Variants in WDFY2 observed in about 807,000 individuals in gnomAD.
The protein encoded by WDFY2 is WD repeat and FYVE domain containing 2, also known as WD repeat and FYVE domain-containing protein 2.
WDFY2 carries 36 observed loss-of-function variants against 56.4 expected under a neutral mutation model. The ratio of observed to expected loss-of-function variants is 0.64; its 90% CI spans 0.49 to 0.84. WDFY2 has a LOEUF of 0.84. Among genes scored for constraint, WDFY2 ranks in the 40% least tolerant of loss-of-function variants. WDFY2 has a pLI of 0.00. For missense variants in WDFY2, 444 were observed against 512.2 expected, an observed-to-expected ratio of 0.87 and a Z score of 1.29; for synonymous variants, 176 against 183.7, an observed-to-expected ratio of 0.96 and a Z score of 0.34.
At chr13:51,613,446 C>T (rs905160111) in intron 1 of WDFY2, among the ~76,000 whole-genome samples, 6 of 152,116 alleles carry the variant, frequency 3.9e-5, no homozygotes, top group Non-Finnish European at 5.9e-5. Context: ...ATTGTTCTTT[C>T]CAGTAGTAGA....
In WDFY2 at chr13:51,765,005, C is replaced by CA. The variant is rs1953704471; in HGVS notation, c.*5236_*5237insA. ...GGCAGCTGCTGCCCTCCACTTCCTG[C>CA]TCTTGCAAGTCACAGATGATTCCAG... On this transcript the variant is annotated 3_prime_UTR_variant, in exon 12 of 12. Coordinates refer to ENST00000298125, the MANE Select transcript of WDFY2 (RefSeq NM_052950.4). 1 of 152,272 alleles carries CA rather than the reference C, an allele frequency of 6.6e-6. No individual in the cohort carries two copies. The highest frequency in any genetic ancestry group is 2.4e-5 in the African/African-American group (1 of 41,436). The allele number at this position is 152,272 out of a possible 1,614,324, so 9.4% of individuals were successfully genotyped here. A position where few individuals can be genotyped will look rare whatever the true frequency, so the allele number is the denominator to read the frequency against.
chr13:51,640,472 A>G (rs988460863), intron 1 of WDFY2, among the ~76,000 whole-genome samples: 1 of 152,240 alleles, frequency 6.6e-6, no homozygotes, highest in African/African-American at 2.4e-5. Context: ...AGATTACTCT[A>G]TCATTTTACC....
At chr13:51,665,672 A>G (rs1405938465) in intron 2 of WDFY2, among the ~76,000 whole-genome samples, 1 of 152,174 alleles carries the variant, frequency 6.6e-6, no homozygotes, top group Non-Finnish European at 1.5e-5. Flanking sequence ...TGTATTGCCA[A>G]CTTCTCCCTG....
chr13:51,709,697 C>T (rs915923952), intron 4 of WDFY2, among the ~76,000 whole-genome samples: 2 of 152,052 alleles, frequency 1.3e-5, no homozygotes, highest in Non-Finnish European at 2.9e-5. Context: ...GAAATGGATA[C>T]ATTCCTGGAC....
At chr13:51,619,945 T>C (rs80129728) in intron 1 of WDFY2, among the ~76,000 whole-genome samples, 3,861 of 152,314 alleles carry the variant, frequency 0.025, 62 homozygotes, top group Non-Finnish European at 0.036. Context: ...TCCCTATGTA[T>C]GGAGAAACCT....
chr13:51,707,993 C>T (rs1332554963), intron 4 of WDFY2, among the ~76,000 whole-genome samples: 1 of 100,946 alleles, frequency 9.9e-6, no homozygotes, highest in Non-Finnish European at 1.8e-5. Context: ...CTTGCTCTGT[C>T]ACCCAGGCTG....
chr13:51,765,763 C>T lies in WDFY2; in HGVS notation c.*5994C>T, dbSNP rs756410501. 3 of 152,114 alleles carry T rather than the reference C, an allele frequency of 2.0e-5. No individual in the cohort carries two copies. Among genetic ancestry groups the T allele is most frequent in the Non-Finnish European group, 2.9e-5 (2 of 68,018 alleles). The allele number at this position is 152,114 out of a possible 1,614,324, so 9.4% of individuals were successfully genotyped here. A position where few individuals can be genotyped will look rare whatever the true frequency, so the allele number is the denominator to read the frequency against. ...GTTTTGAGAAAAGATGGTGAAGTTT[C>T]TTTTCATGAGTTTGTAGGGCAAAAA... On this transcript the variant is annotated 3_prime_UTR_variant, in exon 12 of 12. Coordinates refer to ENST00000298125, the MANE Select transcript of WDFY2 (RefSeq NM_052950.4).
intron 1 of WDFY2, among the ~76,000 whole-genome samples, chr13:51,612,190 G>T (rs1231906128): frequency 6.6e-6 from 1 of 152,118 alleles, no homozygotes; most frequent in African/African-American, 2.4e-5. Context: ...GTGAAGCTAG[G>T]AGAATTAAGA....
chr13:51,674,062 A>G (rs1218414891), intron 2 of WDFY2, among the ~76,000 whole-genome samples: 1 of 152,228 alleles, frequency 6.6e-6, no homozygotes, highest in African/African-American at 2.4e-5. Flanking sequence ...TAGTTTAAAA[A>G]TAATCTAAGT....
At chr13:51,631,825 A>T (rs768634681) in intron 1 of WDFY2, among the ~76,000 whole-genome samples, 4 of 152,194 alleles carry the variant, frequency 2.6e-5, no homozygotes, top group African/African-American at 9.7e-5. Context: ...CACTGTGGCC[A>T]GCCTAGACCT....
intron 1 of WDFY2, among the ~76,000 whole-genome samples, chr13:51,632,523 G>A (rs1954971860): frequency 6.6e-6 from 1 of 152,004 alleles, no homozygotes; most frequent in Admixed American, 6.6e-5. Context: ...CGTGGAGCAG[G>A]TCTTTCAGGT....
At chr13:51,631,118 ATG>A (rs1223202359) in intron 1 of WDFY2, among the ~76,000 whole-genome samples, 3 of 142,720 alleles carry the variant, frequency 2.1e-5, no homozygotes, top group African/African-American at 7.5e-5. Context: ...CAAGCTGGGC[ATG>A]GTGGCTCACG....
intron 1 of WDFY2, among the ~76,000 whole-genome samples, 156 bp from the exon 2 acceptor site, chr13:51,660,440 T>TA (rs1955589981): frequency 1.3e-5 from 2 of 152,006 alleles, no homozygotes; most frequent in Admixed American, 6.6e-5. Flanking sequence ...CCTCAAGTGA[T>TA]ACGCCTACCT....
chr13:51,720,437 G>A (rs1324436854), intron 5 of WDFY2, among the ~76,000 whole-genome samples: 1 of 152,130 alleles, frequency 6.6e-6, no homozygotes, highest in African/African-American at 2.4e-5. Flanking sequence ...TCTTTGAGAG[G>A]GTAGTAGTAC....
chr13:51,746,234 G>C (rs1953101447), intron 7 of WDFY2, among the ~76,000 whole-genome samples: 1 of 152,160 alleles, frequency 6.6e-6, no homozygotes, highest in African/African-American at 2.4e-5. Flanking sequence ...ACAGGCGTGA[G>C]CCACTGCTGA....
chr13:51,754,568 A>T (rs1047141698), intron 8 of WDFY2, among the ~76,000 whole-genome samples: 24 of 152,208 alleles, frequency 1.6e-4, no homozygotes, highest in Non-Finnish European at 2.4e-4. Context: ...TTTTATTTGC[A>T]TTCTCTGCTT....
chr13:51,621,734 CT>C (rs1433764366), intron 1 of WDFY2, among the ~76,000 whole-genome samples: 4 of 152,034 alleles, frequency 2.6e-5, no homozygotes, highest in Admixed American at 2.0e-4. Flanking sequence ...TTTGGGTTCC[CT>C]CAGGCCTAAA....
At chr13:51,617,216 G>C (rs1193894637) in intron 1 of WDFY2, among the ~76,000 whole-genome samples, 1 of 152,162 alleles carries the variant, frequency 6.6e-6, no homozygotes, top group Non-Finnish European at 1.5e-5. Context: ...TTAGCCATCA[G>C]ATGTGTTTAA....
intron 1 of WDFY2, among the ~76,000 whole-genome samples, chr13:51,616,864 A>G (rs1403807806): frequency 1.1e-4 from 17 of 152,218 alleles, no homozygotes; most frequent in Admixed American, 1.1e-3. Flanking sequence ...ACATAGTTCT[A>G]AGTGTTTTTA....
Sources: gnomAD v4.1 joint callset for allele counts (sites outside exome capture counted in the v4.1 genomes callset) on GRCh38, gnomAD v4.1.1 for gene constraint, MANE v1.5 for transcripts, NCBI Gene and HGNC (gene_info 2026-07-23, HGNC 2026-07-21) for gene names.